Variants in SEMA3C observed in about 807,000 individuals in gnomAD.
The protein encoded by SEMA3C is semaphorin 3C, also known as semaphorin-3C.
SEMA3C carries 47 observed loss-of-function variants against 89.4 expected under a neutral mutation model. That is an observed-to-expected ratio of 0.53 (90% CI 0.42 to 0.67). The LOEUF (loss-of-function observed/expected upper bound fraction) is 0.67. Among genes scored for constraint, SEMA3C ranks in the 30% least tolerant of loss-of-function variants. The pLI, the probability that SEMA3C is intolerant of heterozygous loss-of-function variation, is 0.00. For missense variants in SEMA3C, 839 were observed against 929.1 expected (o/e 0.90, Z 1.26); for synonymous variants, 310 against 320.2 (o/e 0.97, Z 0.34).
At chr7:80,891,396 G>T (rs1791610043) in intron 2 of SEMA3C, among the ~76,000 whole-genome samples, 1 of 151,712 alleles carries the variant, frequency 6.6e-6, no homozygotes, top group Admixed American at 6.6e-5. Flanking sequence ...TGCTTCCCTA[G>T]TAGCAACAGC....
intron 2 of SEMA3C, among the ~76,000 whole-genome samples, chr7:80,835,379 A>G (rs1418389659): frequency 2.0e-5 from 3 of 152,208 alleles, no homozygotes; most frequent in African/African-American, 7.2e-5. Flanking sequence ...CATAAACCTC[A>G]GATCTCAGGC....
intron 11 of SEMA3C, among the ~76,000 whole-genome samples, chr7:80,794,503 G>T (rs900183671): frequency 1.3e-5 from 2 of 152,012 alleles, no homozygotes; most frequent in Non-Finnish European, 2.9e-5. Context: ...ACCAGAAGAC[G>T]TATGTAATCA....
chr7:80,774,880 G>A (rs1029052770), intron 12 of SEMA3C, among the ~76,000 whole-genome samples: 1 of 152,006 alleles, frequency 6.6e-6, no homozygotes, highest in African/African-American at 2.4e-5. Flanking sequence ...TAACCAAGTT[G>A]AAGAAATGTT....
chr7:80,779,086 C>T (rs900114122), intron 12 of SEMA3C, among the ~76,000 whole-genome samples: 1 of 152,136 alleles, frequency 6.6e-6, no homozygotes, highest in African/African-American at 2.4e-5. Context: ...TTTGACTTAT[C>T]TGTCTGAATA....
At chr7:80,878,673 C>A (rs1314710787) in intron 2 of SEMA3C, among the ~76,000 whole-genome samples, 1 of 151,848 alleles carries the variant, frequency 6.6e-6, no homozygotes, top group Non-Finnish European at 1.5e-5. Flanking sequence ...AATTAGGTGT[C>A]CAGTACACCT....
At chr7:80,797,983 G>T in intron 11 of SEMA3C, 109 bp downstream of exon 11, 1 of 1,078,156 alleles carries the variant, frequency 9.3e-7, no homozygotes, top group Non-Finnish European at 1.3e-6. Flanking sequence ...GGGCAACAGA[G>T]TGAGACTCCG....
intron 11 of SEMA3C, chr7:80,793,545 AAG>A (rs1266054268): frequency 2.4e-6 from 1 of 425,328 alleles, no homozygotes; most frequent in Non-Finnish European, 4.6e-6. Flanking sequence ...TTATGACAAA[AAG>A]TAATAATTTG....
chr7:80,831,056 T>C (rs920731941), intron 2 of SEMA3C, among the ~76,000 whole-genome samples: 4 of 152,250 alleles, frequency 2.6e-5, no homozygotes, highest in Non-Finnish European at 5.9e-5. Context: ...CTATGATTCA[T>C]GGTTGTGTAA....
intron 2 of SEMA3C, among the ~76,000 whole-genome samples, chr7:80,892,055 C>A (rs1791627912): frequency 6.6e-6 from 1 of 151,984 alleles, no homozygotes; most frequent in African/African-American, 2.4e-5. Flanking sequence ...ACCATAAAAT[C>A]TTTCATTCTT....
At chr7:80,905,684 T>C in intron 2 of SEMA3C, 1 of 390,172 alleles carries the variant, frequency 2.6e-6, no homozygotes, top group Non-Finnish European at 5.1e-6. Context: ...ATGCCTACAA[T>C]GGGTTTAAAG....
At chr7:80,831,767 C>A (rs1484928188) in intron 2 of SEMA3C, among the ~76,000 whole-genome samples, 1 of 152,026 alleles carries the variant, frequency 6.6e-6, no homozygotes, top group Non-Finnish European at 1.5e-5. Context: ...ATGCCTAAAA[C>A]AAAGAATTTG....
At chr7:80,882,754 T>C (rs1402029390) in intron 2 of SEMA3C, among the ~76,000 whole-genome samples, 1 of 152,056 alleles carries the variant, frequency 6.6e-6, no homozygotes, top group Non-Finnish European at 1.5e-5. Context: ...TTTCTTTTCT[T>C]TTTGTAAGTC....
chr7:80,872,763 T>C (rs887659477), intron 2 of SEMA3C, among the ~76,000 whole-genome samples: 23 of 133,210 alleles, frequency 1.7e-4, no homozygotes, highest in African/African-American at 6.7e-4. Flanking sequence ...ATCACACTAC[T>C]GCACTCCAGC....
intron 12 of SEMA3C, among the ~76,000 whole-genome samples, chr7:80,778,680 C>CAG (rs1788622702): frequency 6.6e-6 from 1 of 151,880 alleles, no homozygotes; most frequent in Non-Finnish European, 1.5e-5. Flanking sequence ...GTTCATGTCT[C>CAG]AGGTCTTTCC....
At chr7:80,844,108 C>T (rs1033084504) in intron 2 of SEMA3C, among the ~76,000 whole-genome samples, 1 of 152,096 alleles carries the variant, frequency 6.6e-6, no homozygotes, top group African/African-American at 2.4e-5. Context: ...CTCTCCTGTC[C>T]CCATGGAGGA....
intron 4 of SEMA3C, among the ~76,000 whole-genome samples, chr7:80,826,138 A>G (rs1348195860): frequency 6.6e-6 from 1 of 151,982 alleles, no homozygotes. Context: ...GCAACTTTAC[A>G]CCTGGGGCTG....
intron 9 of SEMA3C, among the ~76,000 whole-genome samples, chr7:80,801,854 C>G (rs1244376350): frequency 6.6e-6 from 1 of 151,990 alleles, no homozygotes; most frequent in Non-Finnish European, 1.5e-5. Context: ...TATCTAGAAA[C>G]TTTTGTTCCA....
chr7:80,798,300 A>G (rs1789115978), intron 10 of SEMA3C, 64 bp from the exon 11 acceptor site: 1 of 1,226,084 alleles, frequency 8.2e-7, no homozygotes, highest in Non-Finnish European at 1.1e-6. Context: ...TTTAAAAAAT[A>G]TATGGTAAAA....
intron 12 of SEMA3C, among the ~76,000 whole-genome samples, chr7:80,768,159 T>G (rs1788344451): frequency 6.6e-6 from 1 of 152,236 alleles, no homozygotes; most frequent in Admixed American, 6.5e-5. Context: ...CCCAAAGATT[T>G]GCAGGCTCTA....
Sources: gnomAD v4.1 joint callset for allele counts (sites outside exome capture counted in the v4.1 genomes callset) on GRCh38, gnomAD v4.1.1 for gene constraint, MANE v1.5 for transcripts, NCBI Gene and HGNC (gene_info 2026-07-23, HGNC 2026-07-21) for gene names.